Variants in AGMO observed in about 807,000 individuals in gnomAD.
The protein encoded by AGMO is alkylglycerol monooxygenase, also known as glyceryl-ether monooxygenase.
Under a neutral mutation model 60.2 loss-of-function variants are expected in AGMO, and 75 were observed. That is an observed-to-expected ratio of 1.25 (90% CI 1.03 to 1.51). AGMO has a LOEUF of 1.51. Ranked by LOEUF, AGMO falls within the 40% of genes most tolerant of loss-of-function variation. The pLI is 0.00. For missense variants in AGMO, 763 were observed against 525.5 expected (o/e 1.45, Z -4.42); for synonymous variants, 261 against 177.1 (o/e 1.47, Z -3.76).
intron 12 of AGMO, among the ~76,000 whole-genome samples, chr7:15,239,702 C>T (rs994143898): frequency 9.9e-5 from 15 of 152,012 alleles, no homozygotes; most frequent in South Asian, 4.1e-4. Context: ...TCAATCAGGG[C>T]GTTTTACAAT....
At chr7:15,136,984 A>T in the AGMO span, among the ~76,000 whole-genome samples, 2 of 152,168 alleles carry the variant, frequency 1.3e-5, no homozygotes, top group Non-Finnish European at 2.9e-5. Context: ...TGGCTTGCCA[A>T]ATCCTATTTT....
At chr7:15,547,067 A>G (rs1482977051) in intron 2 of AGMO, among the ~76,000 whole-genome samples, 1 of 151,490 alleles carries the variant, frequency 6.6e-6, no homozygotes, top group African/African-American at 2.4e-5. Flanking sequence ...GGAATTCTTA[A>G]CCTTAACACT....
At chr7:15,382,138 A>G (rs375365324) in intron 10 of AGMO, among the ~76,000 whole-genome samples, 2 of 152,184 alleles carry the variant, frequency 1.3e-5, no homozygotes, top group African/African-American at 4.8e-5. Flanking sequence ...CCTATGTAAC[A>G]AAACTGCACA....
At chr7:15,184,706 AGGGAGGG>A in the AGMO span, among the ~76,000 whole-genome samples, 1 of 27,428 alleles carries the variant, frequency 3.6e-5, no homozygotes, top group Non-Finnish European at 6.4e-5. Context: ...GAAAGGAGGA[AGGGAGGG>A]AAGGAAGGAA....
intron 10 of AGMO, among the ~76,000 whole-genome samples, chr7:15,368,472 C>A (rs546973525): frequency 1.3e-5 from 2 of 152,124 alleles, no homozygotes; most frequent in South Asian, 4.2e-4. Context: ...TTTAAGAACA[C>A]AGAATTTGTT....
rs550118506 is a variant in AGMO, at chr7:15,365,643, G to C, written c.1158-24C>G. On this transcript the variant is annotated intron_variant, in intron 11 of 12. Transcript: ENST00000342526. Reference sequence around the variant, plus strand: ...GTCTGAAATAAAATGTCATTAACATGCATTAGCTTTAAATATGCTCTTTAT... The same window carrying C: ...GTCTGAAATAAAATGTCATTAACATCCATTAGCTTTAAATATGCTCTTTAT... The C allele has an allele frequency of 1.3e-5, 19 of 1,511,430 alleles. No individual in the cohort carries two copies. The African/African-American group carries it at 2.2e-4, about 18-fold the overall frequency. 93.6% of individuals were successfully genotyped at this position (1,511,430 alleles called of 1,614,324 possible).
chr7:15,285,917 C>A (rs1323451455), intron 12 of AGMO, among the ~76,000 whole-genome samples: 1 of 151,816 alleles, frequency 6.6e-6, no homozygotes, highest in East Asian at 1.9e-4. Flanking sequence ...CAAGTAAAGC[C>A]AAATACTTAC....
At chr7:15,444,470 A>C (rs1781645786) in intron 3 of AGMO, among the ~76,000 whole-genome samples, 2 of 152,176 alleles carry the variant, frequency 1.3e-5, no homozygotes, top group African/African-American at 4.8e-5. Context: ...AATCTTTCCA[A>C]AGCAATTATT....
intron 5 of AGMO, among the ~76,000 whole-genome samples, chr7:15,412,021 T>C (rs946287759): frequency 6.6e-6 from 1 of 152,282 alleles, no homozygotes; most frequent in East Asian, 1.9e-4. Context: ...AAGTCTCTGC[T>C]CATCCTGCTA....
chr7:15,453,826 T>A (rs148652803), intron 3 of AGMO, among the ~76,000 whole-genome samples: 343 of 152,142 alleles, frequency 2.3e-3, no homozygotes, highest in Non-Finnish European at 3.5e-3. Flanking sequence ...CTCCACTATC[T>A]AAGTTGCTGT....
At position 15,554,866 on chromosome 7, in the gene AGMO, G is replaced by T. The variant is rs142940280; in HGVS notation, c.257+5275C>A. On this transcript the variant is annotated intron_variant, in intron 2 of 12. Transcript: ENST00000342526. ...TCTACCCATCACCAGGAATAGAAGT[G>T]TGAGAGTGGGCATGACATTCACTCT... Among the ~76,000 whole-genome samples, 34 of 152,160 alleles carry T rather than the reference G, an allele frequency of 2.2e-4. No homozygotes were observed. In the East Asian group the frequency reaches 4.8e-3, roughly 22 times the overall value.
chr7:15,491,860 T>A (rs1487620617), intron 3 of AGMO, among the ~76,000 whole-genome samples: 1 of 152,222 alleles, frequency 6.6e-6, no homozygotes, highest in African/African-American at 2.4e-5. Flanking sequence ...GCCATTTGGT[T>A]AATCCCAAAA....
intron 3 of AGMO, among the ~76,000 whole-genome samples, chr7:15,532,847 C>T (rs1270184798): frequency 2.6e-5 from 4 of 152,014 alleles, no homozygotes; most frequent in African/African-American, 4.8e-5. Flanking sequence ...AAAAATTAGC[C>T]GAGAATGGTG....
intron 12 of AGMO, among the ~76,000 whole-genome samples, chr7:15,332,237 C>G (rs1267192725): frequency 6.6e-6 from 1 of 152,086 alleles, no homozygotes; most frequent in Non-Finnish European, 1.5e-5. Flanking sequence ...TAATACATAC[C>G]TGCACTTGAC....
At chr7:15,393,071 G>T (rs1784216577) in intron 6 of AGMO, among the ~76,000 whole-genome samples, 1 of 152,210 alleles carries the variant, frequency 6.6e-6, no homozygotes, top group Non-Finnish European at 1.5e-5. Flanking sequence ...GCATCACTGT[G>T]AAAGTCGAAG....
At chr7:15,267,908 G>T (rs1783481455) in intron 12 of AGMO, among the ~76,000 whole-genome samples, 1 of 151,866 alleles carries the variant, frequency 6.6e-6, no homozygotes. Flanking sequence ...TAATGCCAGA[G>T]AAAATGTTAT....
chr7:15,422,048 GA>G (rs1301538782), intron 4 of AGMO, among the ~76,000 whole-genome samples: 1 of 151,536 alleles, frequency 6.6e-6, no homozygotes, highest in Non-Finnish European at 1.5e-5. Context: ...GATAGGAACT[GA>G]AAAAAAATAA....
the AGMO span, among the ~76,000 whole-genome samples, chr7:15,130,343 T>C: frequency 2.0e-5 from 3 of 152,076 alleles, no homozygotes; most frequent in Non-Finnish European, 4.4e-5. Flanking sequence ...ATTTTTATTA[T>C]TTTTGTTATT....
chr7:15,501,368 G>C (rs1226984499), intron 3 of AGMO, among the ~76,000 whole-genome samples: 1 of 151,956 alleles, frequency 6.6e-6, no homozygotes, highest in Non-Finnish European at 1.5e-5. Context: ...GTAGATGCTT[G>C]TGATGAACAA....
Sources: gnomAD v4.1 joint callset for allele counts (sites outside exome capture counted in the v4.1 genomes callset) on GRCh38, gnomAD v4.1.1 for gene constraint, MANE v1.5 for transcripts, NCBI Gene and HGNC (gene_info 2026-07-23, HGNC 2026-07-21) for gene names.